PLXNB1: variants seen among roughly 807,000 people sequenced by gnomAD.
PLXNB1 encodes plexin-B1.
A neutral mutation model predicts 209.4 loss-of-function variants in PLXNB1; 106 were observed. The ratio of observed to expected loss-of-function variants is 0.51; its 90% CI spans 0.43 to 0.59. The LOEUF is 0.59. Among genes scored for constraint, PLXNB1 ranks in the 20% least tolerant of loss-of-function variants. The pLI is 0.00. For missense variants in PLXNB1, 2,357 were observed against 2,853.2 expected (o/e 0.83, Z 3.96); for synonymous variants, 1,167 against 1,183.2 (o/e 0.99, Z 0.28).
chr3:48,415,894 T>A lies in PLXNB1; in HGVS notation c.3618-135A>T, dbSNP rs191338816. Reference sequence around the variant, plus strand: ...CCTGGAGGTGCACTCCCACCACAGCTGGCTAGGGAGGGTCTGGCCACTCTC... The same window carrying A: ...CCTGGAGGTGCACTCCCACCACAGCAGGCTAGGGAGGGTCTGGCCACTCTC... On this transcript the variant is annotated intron_variant, in intron 18 of 37. Transcript: ENST00000296440. This position sits in a 1 kb window ranked among gnomAD's most constrained non-coding sequence, Gnocchi z 5.0. The A allele has an allele frequency of 3.1e-5, 42 of 1,343,130 alleles. No individual in the cohort carries two copies. The Admixed American group carries it at 9.1e-4, about 29-fold the overall frequency. The allele number at this position is 1,343,130 out of a possible 1,614,324, so 83.2% of individuals were successfully genotyped here. A position where few individuals can be genotyped will look rare whatever the true frequency, so the allele number is the denominator to read the frequency against.
rs756764439 is a variant in PLXNB1, at chr3:48,420,235, G to A, written c.2051C>T (p.Pro684Leu). Residue 684 changes from proline (P) to leucine (L), a missense_variant, in exon 11 of 38, where the codon CCT becomes CTT. Coordinates refer to ENST00000296440, the MANE Select transcript of PLXNB1 (RefSeq NM_001130082.3). Reference sequence around the variant, plus strand: ...GGGGCTGGGTCCACCTCTTGCAGGAGGGTCTGGGGAGACAAGCGGGCTCTG... The same window carrying A: ...GGGGCTGGGTCCACCTCTTGCAGGAAGGTCTGGGGAGACAAGCGGGCTCTG... ...SHQSPLVSPD[P>L]PARGGPSPSP... is the part of the protein sequence containing the mutation. The A allele has an allele frequency of 4.5e-6, 7 of 1,548,656 alleles. No homozygotes were observed. The highest frequency in any genetic ancestry group is 1.2e-5 in the South Asian group (1 of 84,132).
In PLXNB1 at chr3:48,417,990, C is replaced by T. The variant is rs760715409; in HGVS notation, c.3295G>A (p.Val1099Met). The T allele has an allele frequency of 2.5e-6, 4 of 1,613,534 alleles. No individual in the cohort carries two copies. Among genetic ancestry groups the T allele is most frequent in the Non-Finnish European group, 2.5e-6 (3 of 1,180,016 alleles). ...TIRGSNLGQH[V>M]QDVLGMVTVA... The stretch of plus-strand genomic sequence containing the variant: ...GTGACCATGCCCAGCACATCCTGCA[C>T]ATGCTGGCCCAGGTTGGAGCCCCTG... Residue 1099 changes from valine (V) to methionine (M), a missense_variant, in exon 16 of 38, where the codon GTG (valine) becomes ATG (methionine). Val to Met is a conservative substitution (Grantham distance 21, BLOSUM62 1). Coordinates refer to ENST00000296440, the MANE Select transcript of PLXNB1 (RefSeq NM_001130082.3). This position sits in a 1 kb window ranked among gnomAD's most constrained non-coding sequence, Gnocchi z 4.4.
In PLXNB1 at chr3:48,422,340, G is replaced by C. The variant is rs774850113; in HGVS notation, c.1410C>G (p.Thr470=). 5 of 1,610,794 alleles carry C rather than the reference G, an allele frequency of 3.1e-6. No homozygotes were observed. Among genetic ancestry groups the C allele is most frequent in the South Asian group, 2.2e-5 (2 of 90,476 alleles). Residue 470 remains threonine, a synonymous_variant, in exon 5 of 38, where the codon ACC becomes ACG. Transcript: ENST00000296440. ...TGTGCCTGGCACTCACTGTGCTCTG[G>C]GTCATGACATACAGGTGCTCAAAGG... ...DGTFEHLYVM[T]QSTLLKVPVA... is the part of the protein sequence containing the mutation.
chr3:48,419,857 A>G lies in PLXNB1; in HGVS notation c.2429T>C (p.Leu810Pro), dbSNP rs1322917823. The G allele has an allele frequency of 1.3e-6, 2 of 1,570,796 alleles. No individual in the cohort carries two copies. Among genetic ancestry groups the G allele is most frequent in the South Asian group, 2.4e-5 (2 of 84,660 alleles). ...VPPADPGPEALHPTVPLDLPP... is the reference protein window; with the variant it reads ...VPPADPGPEAPHPTVPLDLPP... ...CAGGTCCAGGGGCACTGTGGGATGA[A>G]GAGCCTCGGGGCCAGGGTCTGCAGG... Residue 810 changes from leucine to proline, a missense_variant, in exon 11 of 38, where the codon CTT becomes CCT. This residue lies in a region of PLXNB1 where 410 missense variants were observed against 401.0 expected (regional missense o/e 1.02). Transcript: ENST00000296440. This position sits in a 1 kb window ranked among gnomAD's most constrained non-coding sequence, Gnocchi z 5.7.
chr3:48,417,187 C>A lies in PLXNB1; in HGVS notation c.3374+724G>T, dbSNP rs1575396449. On this transcript the variant is annotated intron_variant, in intron 16 of 37. Transcript: ENST00000296440. This position sits in a 1 kb window ranked among gnomAD's most constrained non-coding sequence, Gnocchi z 4.4. ...TCGGTCATAACACATTCAGGGGACA[C>A]TCCGTGCTCCAGGAGAGTGGTTCCT... 6.6e-6 allele frequency among the ~76,000 whole-genome samples: 1 copy of A among 152,234 alleles called. No homozygotes were observed. Among genetic ancestry groups the A allele is most frequent in the Non-Finnish European group, 1.5e-5 (1 of 68,040 alleles).
In PLXNB1 at chr3:48,429,576, C is replaced by G. The variant is rs2039083755; in HGVS notation, c.-60+432G>C. 1 of 151,628 alleles carries G rather than the reference C, an allele frequency of 6.6e-6. No homozygotes were observed. Among genetic ancestry groups the G allele is most frequent in the East Asian group, 1.9e-4 (1 of 5,162 alleles). The allele number at this position is 151,628 out of a possible 1,614,324, so 9.4% of individuals were successfully genotyped here. The stretch of plus-strand genomic sequence containing the variant: ...GCGCGCGGCCCCGAACCGCCCGGGA[C>G]CCCGCATTCCAGCCCCGCGGGCTCC... On this transcript the variant is annotated intron_variant, in intron 1 of 37. Coordinates refer to ENST00000296440, the MANE Select transcript of PLXNB1 (RefSeq NM_001130082.3). The surrounding 1 kb of genome is among the most constrained non-coding windows in gnomAD (Gnocchi z 6.4).
At position 48,412,804 on chromosome 3, in the gene PLXNB1, T is replaced by C; in HGVS notation, c.4792A>G (p.Thr1598Ala). The change falls in exon 25 of 38, where the codon ACT becomes GCT. Residue 1598 changes from threonine to alanine, a missense_variant. Coordinates refer to ENST00000296440, the MANE Select transcript of PLXNB1 (RefSeq NM_001130082.3). ...DLGVPESRRP[T>A]VEQGLGQLSN... ...AGCTGCCCCAGCCCTTGCTCCACAG[T>C]GGGCCGTCTGCTCTCAGGCACACCC... is the stretch of plus-strand genomic sequence containing the variant. 6.2e-7 allele frequency: 1 copy of C among 1,613,604 alleles called. No individual in the cohort carries two copies. Among genetic ancestry groups the C allele is most frequent in the Non-Finnish European group, 8.5e-7 (1 of 1,180,006 alleles).
Position 48,412,283 on chromosome 3 carries a change from C to T in PLXNB1, c.5055G>A (p.Lys1685=), listed in dbSNP as rs763905617. ...AGATGGACATCCAGTTGGTGAGCAG[C>T]TTCTCCACCACAGTCTCTGTCCTGA... is the stretch of plus-strand genomic sequence containing the variant. The part of the protein sequence containing the change: ...MLRRTETVVE[K]LLTNWMSICL... The change falls in exon 27 of 38, where the codon AAG becomes AAA. Residue 1685 remains lysine, a synonymous_variant. Transcript: ENST00000296440. The T allele has an allele frequency of 3.7e-6, 6 of 1,614,108 alleles. No individual in the cohort carries two copies. The South Asian group carries it at 6.6e-5, about 18-fold the overall frequency.
chr3:48,412,993 T>C (rs1202330359), intron 24 of PLXNB1, 34 bp from the exon 25 acceptor site: 3 of 1,610,444 alleles, frequency 1.9e-6, no homozygotes, highest in Non-Finnish European at 2.5e-6. Context: ...TAAGCACCTG[T>C]TAAGCACCAA....
Position 48,416,506 on chromosome 3 carries a change from C to T in PLXNB1, c.3375-55G>A. 1.6e-6 allele frequency: 2 copies of T among 1,249,156 alleles called. No homozygotes were observed. Among genetic ancestry groups the T allele is most frequent in the Non-Finnish European group, 2.3e-6 (2 of 872,428 alleles). 77.4% of individuals were successfully genotyped at this position (1,249,156 alleles called of 1,614,324 possible). A position where few individuals can be genotyped will look rare whatever the true frequency, so the allele number is the denominator to read the frequency against. On this transcript the variant is annotated intron_variant, in intron 16 of 37. Transcript: ENST00000296440. This position sits in a 1 kb window ranked among gnomAD's most constrained non-coding sequence, Gnocchi z 4.1. ...CAGGCTGCATCAAGGGCCCCTCAAG[C>T]TTACCTGGCAGCCCCTCTCCCTGCC... is the stretch of plus-strand genomic sequence containing the variant.
chr3:48,406,585 G>A lies in PLXNB1; in HGVS notation c.6228+238C>T. 2.2e-6 allele frequency: 3 copies of A among 1,345,086 alleles called. No homozygotes were observed. Among genetic ancestry groups the A allele is most frequent in the Non-Finnish European group, 2.9e-6 (3 of 1,050,302 alleles). The allele number at this position is 1,345,086 out of a possible 1,614,324, so 83.3% of individuals were successfully genotyped here. A position where few individuals can be genotyped will look rare whatever the true frequency, so the allele number is the denominator to read the frequency against. ...CCAGCTACCTTGCAAGAGCCTGGCT[G>A]AATCAGGGTACATGGCAGCTGCCAG... is the stretch of plus-strand genomic sequence containing the variant. On this transcript the variant is annotated intron_variant, in intron 36 of 37. Transcript: ENST00000296440. This position sits in a 1 kb window ranked among gnomAD's most constrained non-coding sequence, Gnocchi z 4.4.
chr3:48,426,623 A>G (rs747388898), intron 1 of PLXNB1, among the ~76,000 whole-genome samples: 16 of 152,212 alleles, frequency 1.1e-4, no homozygotes, highest in Non-Finnish European at 1.9e-4. Flanking sequence ...AAGCCGGGAC[A>G]CTGTGGCCAC....
At position 48,409,866 on chromosome 3, in the gene PLXNB1, C is replaced by A; in HGVS notation, c.5778+39G>T. On this transcript the variant is annotated intron_variant, in intron 32 of 37. Coordinates refer to ENST00000296440, the MANE Select transcript of PLXNB1 (RefSeq NM_001130082.3). This position sits in a 1 kb window ranked among gnomAD's most constrained non-coding sequence, Gnocchi z 5.8. ...AATCCCACGAGTGGCCATGCTCCCT[C>A]TCAGCCCAGGCCCCACTACCTTGGC... 1 of 1,588,140 alleles carries A rather than the reference C, an allele frequency of 6.3e-7. No homozygotes were observed. Among genetic ancestry groups the A allele is most frequent in the Admixed American group, 1.8e-5 (1 of 57,028 alleles).
rs760872744 is a variant in PLXNB1, at chr3:48,409,530, A to AC, written c.5939+40dup. The AC allele has an allele frequency of 1.8e-5, 29 of 1,612,608 alleles. No individual in the cohort carries two copies. The East Asian group carries it at 2.5e-4, about 14-fold the overall frequency. ...ATGTGCTGGGGAGGCAGAAGAGAAG[A>AC]CCCCCCACACACACCTAGAGCCCAC... On this transcript the variant is annotated intron_variant, in intron 33 of 37. Coordinates refer to ENST00000296440, the MANE Select transcript of PLXNB1 (RefSeq NM_001130082.3). The surrounding 1 kb of genome is among the most constrained non-coding windows in gnomAD (Gnocchi z 5.8).
At chr3:48,412,041 G>C in intron 27 of PLXNB1, 32 bp from the exon 28 acceptor site, 1 of 1,612,204 alleles carries the variant, frequency 6.2e-7, no homozygotes, top group Non-Finnish European at 8.5e-7. Flanking sequence ...GGGCCCCCCA[G>C]CAGGTGGCAG....
intron 21 of PLXNB1, among the ~76,000 whole-genome samples, chr3:48,414,529 G>A (rs2037937243): frequency 6.6e-6 from 1 of 152,214 alleles, no homozygotes; most frequent in Admixed American, 6.5e-5. Flanking sequence ...CCCAGCTACT[G>A]CACAGGCCGA....
chr3:48,416,243 GC>G lies in PLXNB1; in HGVS notation c.3481-77del. ...CAGGGACAGCCTGAGAGACAGGCTGGCCCAGGACTGGGAGCCCCACCAAGGA... is the reference window on the plus strand; with the variant it reads ...CAGGGACAGCCTGAGAGACAGGCTGGCCAGGACTGGGAGCCCCACCAAGGA... On this transcript the variant is annotated intron_variant, in intron 17 of 37. Coordinates refer to ENST00000296440, the MANE Select transcript of PLXNB1 (RefSeq NM_001130082.3). This position sits in a 1 kb window ranked among gnomAD's most constrained non-coding sequence, Gnocchi z 4.1. The G allele has an allele frequency of 1.4e-6, 2 of 1,380,782 alleles. No homozygotes were observed. Among genetic ancestry groups the G allele is most frequent in the South Asian group, 1.2e-5 (1 of 81,884 alleles). 85.5% of individuals were successfully genotyped at this position (1,380,782 alleles called of 1,614,324 possible).
At position 48,413,607 on chromosome 3, in the gene PLXNB1, C is replaced by G; in HGVS notation, c.4535+63G>C. On this transcript the variant is annotated intron_variant, in intron 23 of 37. Transcript: ENST00000296440. The surrounding 1 kb of genome is among the most constrained non-coding windows in gnomAD (Gnocchi z 5.4). Reference sequence around the variant, plus strand: ...TTTCCTGACTCCTGGCCCGGTCTGTCCCTTCCCAGTCCAGCCAGATCCCAC... The same window carrying G: ...TTTCCTGACTCCTGGCCCGGTCTGTGCCTTCCCAGTCCAGCCAGATCCCAC... 4.6e-6 allele frequency: 7 copies of G among 1,515,952 alleles called. No homozygotes were observed. The highest frequency in any genetic ancestry group is 6.3e-6 in the Non-Finnish European group (7 of 1,117,534). 93.9% of individuals were successfully genotyped at this position (1,515,952 alleles called of 1,614,324 possible). A position where few individuals can be genotyped will look rare whatever the true frequency, so the allele number is the denominator to read the frequency against.
chr3:48,412,389 C>T, intron 26 of PLXNB1, 53 bp downstream of exon 26: 4 of 1,611,322 alleles, frequency 2.5e-6, no homozygotes, highest in Admixed American at 3.3e-5. Context: ...GCCCGAGGCC[C>T]CACCCCAGCT....
Sources: allele counts gnomAD v4.1 joint callset (sites outside exome capture counted in the v4.1 genomes callset), GRCh38; gene constraint gnomAD v4.1.1; regional missense constraint gnomAD v4.1.1; non-coding constraint Gnocchi (gnomAD v3.1); transcripts MANE v1.5; gene names NCBI Gene and HGNC (gene_info 2026-07-23, HGNC 2026-07-21).